FHIT: variants seen among roughly 807,000 people sequenced by gnomAD.
FHIT encodes the protein bis(5'-adenosyl)-triphosphatase.
Under a neutral mutation model 17.9 loss-of-function variants are expected in FHIT, and 19 were observed. That is an observed-to-expected ratio of 1.06 (90% CI 0.74 to 1.56). FHIT has a LOEUF of 1.56. Ranked by LOEUF, FHIT falls within the 40% of genes most tolerant of loss-of-function variation. FHIT has a pLI of 0.00. For missense variants in FHIT, 248 were observed against 189.2 expected, an observed-to-expected ratio of 1.31 and a Z score of -1.82; for synonymous variants, 81 against 69.7, an observed-to-expected ratio of 1.16 and a Z score of -0.81.
chr3:59,817,562 T>TAAAAAA (rs10691937), intron 8 of FHIT, among the ~76,000 whole-genome samples: 98 of 92,114 alleles, frequency 1.1e-3, no homozygotes, highest in Non-Finnish European at 1.4e-3. Flanking sequence ...CACCCGTCAC[T>TAAAAAA]AAAAAAAAAA....
At chr3:60,853,616 C>T (rs1289865428) in intron 3 of FHIT, among the ~76,000 whole-genome samples, 1 of 152,038 alleles carries the variant, frequency 6.6e-6, no homozygotes, top group Admixed American at 6.6e-5. Flanking sequence ...GCAAACCTCA[C>T]CTTTGTATTT....
chr3:61,032,249 A>C (rs2033043820), intron 3 of FHIT, among the ~76,000 whole-genome samples: 2 of 151,866 alleles, frequency 1.3e-5, no homozygotes, highest in Non-Finnish European at 2.9e-5. Context: ...TTAAAGTTTC[A>C]GTTTTAACCT....
chr3:59,929,581 G>A (rs1173587347), intron 7 of FHIT, among the ~76,000 whole-genome samples: 1 of 151,734 alleles, frequency 6.6e-6, no homozygotes, highest in African/African-American at 2.4e-5. Context: ...CACCATGTTG[G>A]CCAGGCTGGT....
At chr3:61,167,403 G>A (rs2037870670) in intron 2 of FHIT, among the ~76,000 whole-genome samples, 1 of 151,926 alleles carries the variant, frequency 6.6e-6, no homozygotes, top group Admixed American at 6.6e-5. Context: ...TAGGGAGGCT[G>A]AGGCGGGCAG....
At chr3:60,238,105 C>T (rs942811306) in intron 5 of FHIT, among the ~76,000 whole-genome samples, 1 of 146,102 alleles carries the variant, frequency 6.8e-6, no homozygotes, top group East Asian at 2.0e-4. Context: ...GAGATTGTAC[C>T]ACTGCACTCC....
chr3:60,812,581 C>T (rs1701602477), intron 4 of FHIT, among the ~76,000 whole-genome samples: 1 of 152,138 alleles, frequency 6.6e-6, no homozygotes, highest in South Asian at 2.1e-4. Context: ...TACCAAGTTT[C>T]CCTATGTCTC....
At chr3:60,540,522 A>G (rs544524169) in intron 4 of FHIT, among the ~76,000 whole-genome samples, 1 of 152,304 alleles carries the variant, frequency 6.6e-6, no homozygotes, top group South Asian at 2.1e-4. Context: ...TTCTTCTGAA[A>G]TGAATCAAAG....
At chr3:60,339,982 T>G (rs986506896) in intron 5 of FHIT, among the ~76,000 whole-genome samples, 3 of 152,174 alleles carry the variant, frequency 2.0e-5, no homozygotes, top group Non-Finnish European at 2.9e-5. Context: ...CAGATGGGTT[T>G]TGACACCTCT....
chr3:59,936,531 C>T (rs1049795394), intron 7 of FHIT, among the ~76,000 whole-genome samples: 2 of 152,164 alleles, frequency 1.3e-5, no homozygotes, highest in African/African-American at 4.8e-5. Context: ...AGTGAAGCCT[C>T]TAATGGAGGT....
At chr3:60,576,571 G>C (rs532083323) in intron 4 of FHIT, among the ~76,000 whole-genome samples, 1 of 152,284 alleles carries the variant, frequency 6.6e-6, no homozygotes, top group African/African-American at 2.4e-5. Flanking sequence ...CGAAAGGTCT[G>C]TGGTGAAACA....
intron 5 of FHIT, among the ~76,000 whole-genome samples, chr3:60,131,020 CATATATACATATGTGT>C (rs1465371310): frequency 0.16 from 23,068 of 144,744 alleles, 2,349 homozygotes; most frequent in Admixed American, 0.25. Context: ...TATATATACA[CATATATACATATGTGT>C]ATATATACAC....
At chr3:59,981,909 C>T (rs952237940) in intron 7 of FHIT, among the ~76,000 whole-genome samples, 1 of 151,814 alleles carries the variant, frequency 6.6e-6, no homozygotes, top group African/African-American at 2.4e-5. Context: ...CCACAGGATT[C>T]AAGGTATCAG....
chr3:59,889,786 A>T lies in FHIT; in HGVS notation c.348+32560T>A, dbSNP rs931185776. Among the ~76,000 whole-genome samples, 12 of 152,382 alleles carry T rather than the reference A, an allele frequency of 7.9e-5. No homozygotes were observed. The South Asian group carries it at 8.3e-4, about 11-fold the overall frequency. On this transcript the variant is annotated intron_variant, in intron 8 of 9. Transcript: ENST00000492590. ...TAATTCTTCATGGGTTCATAAGCAC[A>T]CACATAAGAAAAATCTGCAGCAACA...
chr3:60,072,735 T>C (rs554937355), intron 5 of FHIT, among the ~76,000 whole-genome samples: 64 of 152,318 alleles, frequency 4.2e-4, no homozygotes, highest in Middle Eastern at 3.4e-3. Context: ...TTGCAGCATA[T>C]ACCACTCTAC....
At chr3:60,407,098 T>TTTTTATTTA (rs1701892223) in intron 5 of FHIT, among the ~76,000 whole-genome samples, 1 of 141,278 alleles carries the variant, frequency 7.1e-6, no homozygotes, top group Non-Finnish European at 1.5e-5. Context: ...TTTTTTTGCT[T>TTTTTATTTA]AAGCTAAATA....
chr3:61,207,000 C>A (rs2039259864), intron 1 of FHIT, among the ~76,000 whole-genome samples: 1 of 152,120 alleles, frequency 6.6e-6, no homozygotes, highest in Non-Finnish European at 1.5e-5. Flanking sequence ...CCCATCAATA[C>A]CTAATTTATT....
At chr3:60,755,868 G>C (rs1024167934) in intron 4 of FHIT, among the ~76,000 whole-genome samples, 1 of 152,170 alleles carries the variant, frequency 6.6e-6, no homozygotes, top group Non-Finnish European at 1.5e-5. Flanking sequence ...ACACAGGTTT[G>C]AATGGAACTG....
intron 3 of FHIT, among the ~76,000 whole-genome samples, chr3:61,011,995 A>G (rs2031817390): frequency 6.6e-6 from 1 of 152,352 alleles, no homozygotes; most frequent in South Asian, 2.1e-4. Context: ...GATTCAGCAA[A>G]TAAGTTTTTC....
chr3:60,308,279 A>G (rs1429881916), intron 5 of FHIT, among the ~76,000 whole-genome samples: 4 of 152,108 alleles, frequency 2.6e-5, no homozygotes, highest in African/African-American at 9.7e-5. Flanking sequence ...CAGAAAAGTC[A>G]TCTCAAACTT....
Sources: gnomAD v4.1 joint callset for allele counts (sites outside exome capture counted in the v4.1 genomes callset) on GRCh38, gnomAD v4.1.1 for gene constraint, MANE v1.5 for transcripts, NCBI Gene and HGNC (gene_info 2026-07-23, HGNC 2026-07-21) for gene names.